EYS: variants seen among roughly 807,000 people sequenced by gnomAD.
EYS encodes protein eyes shut homolog.
EYS carries 250 observed loss-of-function variants against 282.1 expected under a neutral mutation model. That is an observed-to-expected ratio of 0.89 (90% CI 0.80 to 0.98). The LOEUF is 0.98. Among genes scored for constraint, EYS ranks in the 50% least tolerant of loss-of-function variants. The pLI, the probability that EYS is intolerant of heterozygous loss-of-function variation, is 0.00. For missense variants in EYS, 4,016 were observed against 3,709.0 expected (o/e 1.08, Z -2.15); for synonymous variants, 1,355 against 1,282.9 (o/e 1.06, Z -1.20).
chr6:64,818,578 G>A (rs1361756002), intron 21 of EYS, among the ~76,000 whole-genome samples: 1 of 152,128 alleles, frequency 6.6e-6, no homozygotes, highest in Non-Finnish European at 1.5e-5. Flanking sequence ...GTCTGTGGCT[G>A]AAGGCCCGAA....
intron 26 of EYS, among the ~76,000 whole-genome samples, chr6:64,516,716 T>C (rs1329758922): frequency 1.3e-5 from 2 of 151,796 alleles, no homozygotes; most frequent in East Asian, 3.9e-4. Context: ...CATTTGTACT[T>C]GGTTAAATGG....
At chr6:65,426,246 G>A (rs75221155) in intron 5 of EYS, among the ~76,000 whole-genome samples, 4 of 151,978 alleles carry the variant, frequency 2.6e-5, no homozygotes, top group Non-Finnish European at 5.9e-5. Context: ...AAAGTGATGA[G>A]ATTACTTAAG....
chr6:64,333,896 AG>A lies in EYS; in HGVS notation c.6079-26815del, dbSNP rs1439450755. Among the ~76,000 whole-genome samples, 5 of 152,302 alleles carry A rather than the reference AG, an allele frequency of 3.3e-5. 1 individual carries two copies. In the South Asian group the frequency reaches 1.0e-3, roughly 32 times the overall value. On this transcript the variant is annotated intron_variant, in intron 29 of 42. Coordinates refer to ENST00000503581, the MANE Select transcript of EYS (RefSeq NM_001142800.2). ...ATGTATGTGGAGGTACTAATCTGGG[AG>A]GTCAATGGCCCTGGGAAGCCAAAGA...
chr6:65,121,644 A>G (rs1775553955), intron 12 of EYS, among the ~76,000 whole-genome samples: 1 of 152,180 alleles, frequency 6.6e-6, no homozygotes, highest in African/African-American at 2.4e-5. Flanking sequence ...GCTCTGGAGC[A>G]TGTTTACTTT....
chr6:64,276,163 C>T (rs571984830), intron 30 of EYS, among the ~76,000 whole-genome samples: 12 of 152,114 alleles, frequency 7.9e-5, no homozygotes, highest in South Asian at 6.2e-4. Context: ...GTGTTGACTT[C>T]GAGATTGACA....
intron 30 of EYS, among the ~76,000 whole-genome samples, chr6:64,300,579 A>T (rs374263954): frequency 6.6e-6 from 1 of 152,212 alleles, no homozygotes; most frequent in East Asian, 1.9e-4. Context: ...TTAGTTGAGG[A>T]GCAATTAAAA....
intron 5 of EYS, among the ~76,000 whole-genome samples, chr6:65,427,418 T>C (rs542775709): frequency 1.3e-5 from 2 of 148,500 alleles, no homozygotes; most frequent in South Asian, 2.1e-4. Flanking sequence ...GACTATCTCA[T>C]GTTAGATTTG....
At position 65,370,326 on chromosome 6, in the gene EYS, G is replaced by T. The variant is rs574460769; in HGVS notation, c.1299+14060C>A. ...GATGAAGTGCAGTAGCACAACCATA[G>T]CTCACTGCAGTCTTAATTCCTGGGC... On this transcript the variant is annotated intron_variant, in intron 8 of 42. Transcript: ENST00000503581. Among the ~76,000 whole-genome samples the T allele has an allele frequency of 1.1e-4, 15 of 137,220 alleles. No individual in the cohort carries two copies. In the South Asian group the frequency reaches 2.6e-3, roughly 24 times the overall value. The allele number at this position is 137,220 out of a possible 152,430, so 90.0% of individuals were successfully genotyped here.
At chr6:65,173,752 G>A (rs1765164212) in intron 12 of EYS, among the ~76,000 whole-genome samples, 1 of 151,108 alleles carries the variant, frequency 6.6e-6, no homozygotes, top group Admixed American at 6.6e-5. Context: ...TGAATATATA[G>A]ATGTAATTCT....
intron 12 of EYS, among the ~76,000 whole-genome samples, chr6:65,252,883 T>G (rs116309028): frequency 6.6e-6 from 1 of 151,948 alleles, no homozygotes; most frequent in Non-Finnish European, 1.5e-5. Flanking sequence ...TCAGTGAACT[T>G]GACAGCAGAT....
chr6:64,427,962 A>G (rs933345913), intron 28 of EYS, among the ~76,000 whole-genome samples: 4 of 152,144 alleles, frequency 2.6e-5, no homozygotes, highest in African/African-American at 9.6e-5. Flanking sequence ...GACTTTCAAC[A>G]TTTGAATTTT....
At chr6:64,286,359 C>A (rs1283219948) in intron 30 of EYS, among the ~76,000 whole-genome samples, 2 of 152,156 alleles carry the variant, frequency 1.3e-5, no homozygotes, top group East Asian at 3.9e-4. Flanking sequence ...ACAATTAATA[C>A]AATGGTACCT....
At chr6:64,656,028 T>A (rs927351735) in intron 22 of EYS, among the ~76,000 whole-genome samples, 1 of 152,166 alleles carries the variant, frequency 6.6e-6, no homozygotes, top group South Asian at 2.1e-4. Context: ...GCATCACTTT[T>A]ATGTTTGCTT....
intron 12 of EYS, among the ~76,000 whole-genome samples, chr6:65,154,039 ATT>A (rs1174330868): frequency 4.6e-5 from 7 of 151,782 alleles, no homozygotes; most frequent in Non-Finnish European, 8.8e-5. Context: ...TCCATCATAG[ATT>A]GCCTTTGGAT....
intron 1 of EYS, among the ~76,000 whole-genome samples, chr6:65,688,907 C>T (rs1769131296): frequency 1.3e-5 from 2 of 151,802 alleles, no homozygotes; most frequent in South Asian, 4.2e-4. Flanking sequence ...GAAATAGGAA[C>T]ACTTTTACAC....
intron 5 of EYS, among the ~76,000 whole-genome samples, chr6:65,470,632 A>G (rs978125734): frequency 1.3e-5 from 2 of 152,186 alleles, no homozygotes; most frequent in African/African-American, 4.8e-5. Context: ...TGTGTTAGCC[A>G]GTCCAAAGAC....
chr6:63,756,269 A>C (rs1450876154), intron 41 of EYS, among the ~76,000 whole-genome samples: 3 of 152,186 alleles, frequency 2.0e-5, no homozygotes, highest in African/African-American at 7.2e-5. Flanking sequence ...TGGGTTTGTC[A>C]TAAATAGCTC....
At chr6:63,968,446 A>G (rs1457648442) in intron 35 of EYS, among the ~76,000 whole-genome samples, 2 of 152,082 alleles carry the variant, frequency 1.3e-5, no homozygotes, top group Non-Finnish European at 2.9e-5. Context: ...GTATGTGTGG[A>G]AACTTTCTTT....
At chr6:65,378,911 C>T (rs190735612) in intron 8 of EYS, among the ~76,000 whole-genome samples, 1 of 151,924 alleles carries the variant, frequency 6.6e-6, no homozygotes, top group Non-Finnish European at 1.5e-5. Flanking sequence ...GGAGGGATAA[C>T]ATTAGGAGAA....
Sources: allele counts gnomAD v4.1 joint callset (sites outside exome capture counted in the v4.1 genomes callset), GRCh38; gene constraint gnomAD v4.1.1; transcripts MANE v1.5; gene names NCBI Gene and HGNC (gene_info 2026-07-23, HGNC 2026-07-21).